The following GLI4 variants were observed in gnomAD, a reference collection of about 807,000 sequenced individuals.
The protein encoded by GLI4 is zinc finger protein GLI4.
In GLI4, 34 loss-of-function variants were observed where a neutral mutation model predicts 30.9. The ratio of observed to expected loss-of-function variants is 1.10; its 90% CI spans 0.84 to 1.47. The LOEUF is 1.47. GLI4 is among the 40% of genes most tolerant of loss of function. The pLI, the probability that GLI4 is intolerant of heterozygous loss-of-function variation, is 0.00. For missense variants in GLI4, 696 were observed against 538.9 expected (o/e 1.29, Z -2.89); for synonymous variants, 277 against 236.7 (o/e 1.17, Z -1.56).
At chr8:143,275,162 T>C (rs1304419050) in intron 3 of GLI4, 4 of 1,535,650 alleles carry the variant, frequency 2.6e-6, no homozygotes, top group Non-Finnish European at 3.5e-6. Flanking sequence ...CCACGAGTTA[T>C]CCTGTGTCCC....
chr8:143,275,002 C>T (rs777863538), intron 3 of GLI4, 200 bp downstream of exon 3: 217 of 1,504,246 alleles, frequency 1.4e-4, no homozygotes, highest in Non-Finnish European at 1.8e-4. Context: ...CTTCCCGAGG[C>T]GGTGACTGCA....
intron 2 of GLI4, among the ~76,000 whole-genome samples, chr8:143,270,327 CAGAT>C (rs1435122169): frequency 6.6e-6 from 1 of 152,212 alleles, no homozygotes; most frequent in East Asian, 1.9e-4. Context: ...GGTGGGCACT[CAGAT>C]GGGGACAGAG....
In GLI4 at chr8:143,276,239, G is replaced by A. The variant is rs1174842272; in HGVS notation, c.566G>A (p.Gly189Asp). The A allele has an allele frequency of 6.2e-7, 1 of 1,605,998 alleles. No individual in the cohort carries two copies. The highest frequency in any genetic ancestry group is 8.5e-7 in the Non-Finnish European group (1 of 1,176,780). Residue 189 changes from glycine (G) to aspartate (D), a missense_variant, in exon 4 of 4, where the codon GGC becomes GAC. Transcript: ENST00000340042. ...GAKPHRCEAC[G>D]KSFKYNSLLL... ...AAGCCGCACAGGTGCGAGGCCTGCG[G>A]CAAGAGTTTCAAGTATAACTCGCTG...
chr8:143,275,744 C>T, intron 3 of GLI4, 153 bp from the exon 4 acceptor site: 39 of 1,240,080 alleles, frequency 3.1e-5, no homozygotes, highest in Non-Finnish European at 3.7e-5. Flanking sequence ...CTCCGAGCCC[C>T]TGTCCGCTTG....
chr8:143,268,925 C>T (rs1409068887), intron 1 of GLI4, among the ~76,000 whole-genome samples: 1 of 151,454 alleles, frequency 6.6e-6, no homozygotes, highest in East Asian at 1.9e-4. Context: ...CTCACTGCAA[C>T]CTCCACCTCC....
chr8:143,275,400 C>T (rs949913680), intron 3 of GLI4: 19 of 1,392,314 alleles, frequency 1.4e-5, no homozygotes, highest in South Asian at 3.5e-5. Flanking sequence ...CAGAGATTTG[C>T]GTGGGAAGCT....
intron 2 of GLI4, 26 bp downstream of exon 2, chr8:143,269,546 C>T (rs776197637): frequency 2.8e-5 from 45 of 1,598,130 alleles, no homozygotes; most frequent in Non-Finnish European, 3.5e-5. Flanking sequence ...GCTGTGCGCC[C>T]TCCACCCTGC....
intron 1 of GLI4, chr8:143,268,224 G>A (rs1225817268): frequency 2.8e-6 from 1 of 360,204 alleles, no homozygotes; most frequent in Admixed American, 6.4e-5. Flanking sequence ...GCCGGGCACT[G>A]GGGTGGCGGC....
chr8:143,267,586 G>A (rs13272454), intron 1 of GLI4, 102 bp downstream of exon 1: 423,959 of 985,142 alleles, frequency 0.43, 95,517 homozygotes, highest in East Asian at 0.69. Flanking sequence ...CAGCCGGGCC[G>A]TGCGGCCCTT....
In GLI4 at chr8:143,276,688, T is replaced by C; in HGVS notation, c.1015T>C (p.Phe339Leu). 6.2e-7 allele frequency: 1 copy of C among 1,607,796 alleles called. No homozygotes were observed. Among genetic ancestry groups the C allele is most frequent in the Admixed American group, 1.7e-5 (1 of 59,386 alleles). ...GKAFRGRSHF[F>L]RHLRTHTGEK... ...AGCCTTCCGCGGCCGCTCGCACTTCTTCCGGCACCTGCGGACCCACACGGG... is the reference window on the plus strand; with the variant it reads ...AGCCTTCCGCGGCCGCTCGCACTTCCTCCGGCACCTGCGGACCCACACGGG... Residue 339 changes from phenylalanine to leucine, a missense_variant, in exon 4 of 4, where the codon TTC becomes CTC. Transcript: ENST00000340042.
In GLI4 at chr8:143,267,457, C is replaced by G. The variant is rs901304047; in HGVS notation, c.-65C>G. 4.1e-6 allele frequency: 4 copies of G among 985,236 alleles called. No individual in the cohort carries two copies. In the African/African-American group the frequency reaches 7.0e-5, roughly 17 times the overall value. 61.0% of individuals were successfully genotyped at this position (985,236 alleles called of 1,614,324 possible). A position where few individuals can be genotyped will look rare whatever the true frequency, so the allele number is the denominator to read the frequency against. On this transcript the variant is annotated 5_prime_UTR_variant, in exon 1 of 4. Coordinates refer to ENST00000340042, the MANE Select transcript of GLI4 (RefSeq NM_138465.4). ...GGCGGGGCCGGACACTTCCGTCCGG[C>G]GCGCGGCGTCCTCCTCCCGCTCGGA...
At position 143,276,840 on chromosome 8, in the gene GLI4, C is replaced by A. The variant is rs1219825481; in HGVS notation, c.*36C>A. ...GCTCGGGGCTCGGCCTCCTACCTGC[C>A]CCCAACCCACCCTCCACCCCGTCCC... is the stretch of plus-strand genomic sequence containing the variant. On this transcript the variant is annotated 3_prime_UTR_variant, in exon 4 of 4. Coordinates refer to ENST00000340042, the MANE Select transcript of GLI4 (RefSeq NM_138465.4). 3 of 1,302,396 alleles carry A rather than the reference C, an allele frequency of 2.3e-6. No individual in the cohort carries two copies. Among genetic ancestry groups the A allele is most frequent in the Non-Finnish European group, 3.1e-6 (3 of 956,132 alleles). 80.7% of individuals were successfully genotyped at this position (1,302,396 alleles called of 1,614,324 possible).
rs1815387395 is a variant in GLI4, at chr8:143,276,336, C to T, written c.663C>T (p.Arg221=). Residue 221 remains arginine (R), a synonymous_variant, in exon 4 of 4, where the codon CGC becomes CGT. Coordinates refer to ENST00000340042, the MANE Select transcript of GLI4 (RefSeq NM_138465.4). ...GCCACGAGTGCGGCAAGCGCTTCCG[C>T]GGCTGGTCGGGCTTCATCCAGCACC... is the stretch of plus-strand genomic sequence containing the variant. ...YACHECGKRF[R]GWSGFIQHHR... is the part of the protein sequence containing the mutation. 1.9e-6 allele frequency: 3 copies of T among 1,611,602 alleles called. No homozygotes were observed. The highest frequency in any genetic ancestry group is 2.5e-6 in the Non-Finnish European group (3 of 1,179,480).
chr8:143,270,754 CAG>C (rs1384902904), intron 2 of GLI4, among the ~76,000 whole-genome samples: 1 of 152,216 alleles, frequency 6.6e-6, no homozygotes, highest in South Asian at 2.1e-4. Context: ...TCAGCAGACT[CAG>C]GGCATGCCCT....
Position 143,275,880 on chromosome 8 carries a change from GC to G in GLI4, c.224-15del. On this transcript the variant is annotated splice_polypyrimidine_tract_variant and intron_variant, in intron 3 of 3. Coordinates refer to ENST00000340042, the MANE Select transcript of GLI4 (RefSeq NM_138465.4). ...GGGCATGCGGGTACTATCCGCCTCT[GC>G]CGTTTCTCATTTCAGACTCCGAGCC... 7.8e-7 allele frequency: 1 copy of G among 1,275,846 alleles called. No individual in the cohort carries two copies. 79.0% of individuals were successfully genotyped at this position (1,275,846 alleles called of 1,614,324 possible). A position where few individuals can be genotyped will look rare whatever the true frequency, so the allele number is the denominator to read the frequency against.
chr8:143,275,952 C>A lies in GLI4; in HGVS notation c.279C>A (p.Asp93Glu). The change falls in exon 4 of 4, where the codon GAC (aspartate) becomes GAA (glutamate). Residue 93 changes from aspartate (D) to glutamate (E), a missense_variant. Asp to Glu is a conservative substitution (Grantham distance 45). Coordinates refer to ENST00000340042, the MANE Select transcript of GLI4 (RefSeq NM_138465.4). ...GCTCTCCTGGCTCTCAGGCCCCTGACGAGGGGGCGGGCGGGGCGCTGCGCA... is the reference window on the plus strand; with the variant it reads ...GCTCTCCTGGCTCTCAGGCCCCTGAAGAGGGGGCGGGCGGGGCGCTGCGCA... ...APRSPGSQAP[D>E]EGAGGALRSL... 7.5e-7 allele frequency: 1 copy of A among 1,329,822 alleles called. No homozygotes were observed. 82.4% of individuals were successfully genotyped at this position (1,329,822 alleles called of 1,614,324 possible).
rs760015575 is a variant in GLI4, at chr8:143,276,325, A to C, written c.652A>C (p.Lys218Gln). 5.6e-6 allele frequency: 9 copies of C among 1,611,522 alleles called. No individual in the cohort carries two copies. Among genetic ancestry groups the C allele is most frequent in the East Asian group, 2.2e-5 (1 of 44,804 alleles). ...EKPYACHECG[K>Q]RFRGWSGFIQ... ...GCCCTACGCCTGCCACGAGTGCGGC[A>C]AGCGCTTCCGCGGCTGGTCGGGCTT... Residue 218 changes from lysine (K) to glutamine (Q), a missense_variant, in exon 4 of 4, where the codon AAG becomes CAG. Physicochemically the swap from Lys to Gln is moderately conservative, Grantham distance 53 (BLOSUM62 1). Transcript: ENST00000340042.
At position 143,276,864 on chromosome 8, in the gene GLI4, C is replaced by T. The variant is rs1354225729; in HGVS notation, c.*60C>T. On this transcript the variant is annotated 3_prime_UTR_variant, in exon 4 of 4. Transcript: ENST00000340042. ...CCCCCAACCCACCCTCCACCCCGTCCCCCACGGTGGGCACTGCCCAGCACC... is the reference window on the plus strand; with the variant it reads ...CCCCCAACCCACCCTCCACCCCGTCTCCCACGGTGGGCACTGCCCAGCACC... The T allele has an allele frequency of 4.5e-6, 5 of 1,106,486 alleles. No homozygotes were observed. The East Asian group carries it at 7.7e-5, about 17-fold the overall frequency. The allele number at this position is 1,106,486 out of a possible 1,614,324, so 68.5% of individuals were successfully genotyped here. A position where few individuals can be genotyped will look rare whatever the true frequency, so the allele number is the denominator to read the frequency against.
At chr8:143,268,776 C>T (rs1465648728) in intron 1 of GLI4, among the ~76,000 whole-genome samples, 1 of 151,756 alleles carries the variant, frequency 6.6e-6, no homozygotes, top group Non-Finnish European at 1.5e-5. Context: ...CCCCCACAGG[C>T]GTCTGCTGTG....
Sources: gnomAD v4.1 joint callset for allele counts (sites outside exome capture counted in the v4.1 genomes callset) on GRCh38, gnomAD v4.1.1 for gene constraint, MANE v1.5 for transcripts, NCBI Gene and HGNC (gene_info 2026-07-23, HGNC 2026-07-21) for gene names.